Variants in RARB observed in about 807,000 individuals in gnomAD.
The protein encoded by RARB is retinoic acid receptor beta.
In RARB, 17 loss-of-function variants were observed where a neutral mutation model predicts 51.9. That is an observed-to-expected ratio of 0.33 (90% CI 0.22 to 0.49). The LOEUF is 0.49. Ranked by LOEUF, RARB falls within the 20% of genes least tolerant of loss-of-function variation. The pLI is 0.99. For synonymous variants in RARB, 215 were observed against 195.4 expected (o/e 1.10, Z -0.84); for missense variants, 369 against 550.8 (o/e 0.67, Z 3.30).
chr3:25,545,861 T>C (rs1422458903), intron 3 of RARB, among the ~76,000 whole-genome samples: 2 of 152,222 alleles, frequency 1.3e-5, no homozygotes, highest in Non-Finnish European at 2.9e-5. Context: ...CTGGGGCTTA[T>C]ATCTTTTGGG....
chr3:25,006,294 T>C (rs2125277422), intron 2 of RARB, among the ~76,000 whole-genome samples: 1 of 152,298 alleles, frequency 6.6e-6, no homozygotes, highest in African/African-American at 2.4e-5. Flanking sequence ...GTTCATACTC[T>C]CTCAATACTT....
chr3:24,968,232 A>G (rs2125415690), intron 2 of RARB, among the ~76,000 whole-genome samples: 1 of 152,270 alleles, frequency 6.6e-6, no homozygotes, highest in East Asian at 1.9e-4. Flanking sequence ...CACATTGTCC[A>G]AAGTGGACTA....
At chr3:25,314,893 T>C (rs973682929) in intron 5 of RARB, among the ~76,000 whole-genome samples, 1 of 152,156 alleles carries the variant, frequency 6.6e-6, no homozygotes, top group African/African-American at 2.4e-5. Flanking sequence ...TCCATCTTTA[T>C]GTCGCTGAGT....
At chr3:24,966,132 T>C (rs1209127220) in intron 2 of RARB, among the ~76,000 whole-genome samples, 1 of 152,026 alleles carries the variant, frequency 6.6e-6, no homozygotes, top group Non-Finnish European at 1.5e-5. Flanking sequence ...GCTTGTTAAA[T>C]TATTTTTCTT....
At chr3:25,282,424 C>G (rs1157941737) in intron 5 of RARB, among the ~76,000 whole-genome samples, 1 of 152,166 alleles carries the variant, frequency 6.6e-6, no homozygotes, top group Non-Finnish European at 1.5e-5. Context: ...AATTGTTACC[C>G]ACTCTCACTT....
intron 2 of RARB, among the ~76,000 whole-genome samples, chr3:24,890,486 T>C (rs1703357559): frequency 6.6e-6 from 1 of 152,136 alleles, no homozygotes; most frequent in Admixed American, 6.5e-5. Flanking sequence ...TGGTGGTTCA[T>C]ACCTGTAATC....
intron 3 of RARB, among the ~76,000 whole-genome samples, chr3:25,067,523 T>G (rs950496394): frequency 6.6e-6 from 1 of 152,212 alleles, no homozygotes; most frequent in Non-Finnish European, 1.5e-5. Context: ...CATTTTAATG[T>G]TTCATTAATT....
chr3:25,222,598 T>C (rs1701971396), intron 5 of RARB, among the ~76,000 whole-genome samples: 1 of 152,122 alleles, frequency 6.6e-6, no homozygotes, highest in Admixed American at 6.6e-5. Flanking sequence ...GTTGGTATAA[T>C]TGAGTATTAT....
At chr3:25,300,490 A>C (rs1040356241) in intron 5 of RARB, among the ~76,000 whole-genome samples, 1 of 152,238 alleles carries the variant, frequency 6.6e-6, no homozygotes, top group Non-Finnish European at 1.5e-5. Context: ...TTGAAGAGGC[A>C]CAGGGACAGG....
intron 2 of RARB, among the ~76,000 whole-genome samples, chr3:25,040,883 G>C (rs1392910132): frequency 6.6e-6 from 1 of 152,208 alleles, no homozygotes; most frequent in East Asian, 1.9e-4. Flanking sequence ...TCTAAGGTCT[G>C]TCTCGAGTCC....
chr3:24,910,428 A>G (rs1441621013), intron 2 of RARB, among the ~76,000 whole-genome samples: 1 of 152,194 alleles, frequency 6.6e-6, no homozygotes, highest in African/African-American at 2.4e-5. Flanking sequence ...AAATAATTGG[A>G]TGACATGTTT....
intron 2 of RARB, among the ~76,000 whole-genome samples, chr3:24,884,954 A>G (rs544946179): frequency 6.6e-6 from 1 of 152,310 alleles, no homozygotes; most frequent in African/African-American, 2.4e-5. Context: ...CTCATAGATA[A>G]CAACTGCGTA....
intron 5 of RARB, among the ~76,000 whole-genome samples, chr3:25,297,839 T>C (rs543234629): frequency 8.5e-5 from 13 of 152,322 alleles, no homozygotes; most frequent in African/African-American, 3.1e-4. Context: ...GTCCTAGATT[T>C]CTACTTTTTT....
At chr3:25,236,244 G>A (rs1259209641) in intron 5 of RARB, among the ~76,000 whole-genome samples, 3 of 152,102 alleles carry the variant, frequency 2.0e-5, no homozygotes, top group South Asian at 2.1e-4. Flanking sequence ...AAGAATTGGA[G>A]CAGTAAACAA....
chr3:25,009,886 AT>A (rs1321840237), intron 2 of RARB, among the ~76,000 whole-genome samples: 1 of 152,068 alleles, frequency 6.6e-6, no homozygotes, highest in Non-Finnish European at 1.5e-5. Flanking sequence ...GGAAGGGATA[AT>A]TTAACTGAAC....
At chr3:25,366,955 A>G (rs541733861) in intron 5 of RARB, among the ~76,000 whole-genome samples, 1 of 146,456 alleles carries the variant, frequency 6.8e-6, no homozygotes, top group Non-Finnish European at 1.5e-5. Flanking sequence ...TTGTAGCAAC[A>G]GGCAGAATGT....
chr3:25,384,585 A>G (rs1296651616), intron 5 of RARB, among the ~76,000 whole-genome samples: 1 of 152,174 alleles, frequency 6.6e-6, no homozygotes, highest in Non-Finnish European at 1.5e-5. Flanking sequence ...TAGCTTTGAA[A>G]TCACACCCAC....
intron 2 of RARB, among the ~76,000 whole-genome samples, chr3:25,002,072 A>C (rs535691028): frequency 5.9e-5 from 9 of 152,226 alleles, no homozygotes; most frequent in African/African-American, 2.2e-4. Context: ...TACCTGGCTT[A>C]TATGTCAGAT....
chr3:25,531,907 A>C (rs78238185), intron 3 of RARB, among the ~76,000 whole-genome samples: 1 of 151,428 alleles, frequency 6.6e-6, no homozygotes, highest in Non-Finnish European at 1.5e-5. Context: ...GTTAGTAAAA[A>C]TAATCTTTCC....
Sources: gnomAD v4.1 joint callset for allele counts (sites outside exome capture counted in the v4.1 genomes callset) on GRCh38, gnomAD v4.1.1 for gene constraint, MANE v1.5 for transcripts, NCBI Gene and HGNC (gene_info 2026-07-23, HGNC 2026-07-21) for gene names.